The following TUBGCP5 variants were observed in gnomAD, a reference collection of about 807,000 sequenced individuals.
TUBGCP5 encodes the protein tubulin gamma complex component 5, also known as gamma-tubulin complex component 5.
Under a neutral mutation model 134.7 loss-of-function variants are expected in TUBGCP5, and 98 were observed. The ratio of observed to expected loss-of-function variants is 0.73; its 90% confidence interval spans 0.62 to 0.86. The LOEUF (loss-of-function observed/expected upper bound fraction) is 0.86, where lower values mean the gene tolerates loss of function less well. Ranked by LOEUF, TUBGCP5 falls within the 40% of genes least tolerant of loss-of-function variation. The pLI is 0.00. For missense variants in TUBGCP5, 1,150 were observed against 1,244.8 expected (o/e 0.92, Z 1.15); for synonymous variants, 456 against 431.4 (o/e 1.06, Z -0.71).
intron 4 of TUBGCP5, 110 bp downstream of exon 4, chr15:23,032,618 C>CT: frequency 1.4e-6 from 1 of 691,042 alleles, no homozygotes; most frequent in East Asian, 3.0e-5. Context: ...AATAGAAATA[C>CT]TTTAGTTTCA....
At chr15:23,019,569 G>A (rs1222125863) in intron 11 of TUBGCP5, among the ~76,000 whole-genome samples, 1 of 151,888 alleles carries the variant, frequency 6.6e-6, no homozygotes, top group Non-Finnish European at 1.5e-5. Context: ...AGACCGAGGT[G>A]GGCGGATCAC....
downstream of TUBGCP5, among the ~76,000 whole-genome samples, chr15:22,998,859 C>T (rs1016891265): frequency 8.5e-5 from 13 of 152,098 alleles, no homozygotes; most frequent in Admixed American, 2.6e-4. Flanking sequence ...TCAGATGATC[C>T]GCCCACCTCG....
intron 6 of TUBGCP5, among the ~76,000 whole-genome samples, chr15:23,029,714 T>A (rs1418453192): frequency 6.6e-6 from 1 of 152,054 alleles, no homozygotes; most frequent in Non-Finnish European, 1.5e-5. Flanking sequence ...TGAAACCCTG[T>A]CTCTACTAAA....
At chr15:22,987,336 C>CAA (rs34835716) in intron 23 of TUBGCP5, among the ~76,000 whole-genome samples, 2 of 125,466 alleles carry the variant, frequency 1.6e-5, no homozygotes, top group Admixed American at 8.6e-5. Flanking sequence ...AACTCCATCT[C>CAA]AAAAAAAAAA....
At chr15:22,987,160 C>T (rs1415563534) in intron 23 of TUBGCP5, among the ~76,000 whole-genome samples, 1 of 151,802 alleles carries the variant, frequency 6.6e-6, no homozygotes, top group African/African-American at 2.4e-5. Flanking sequence ...TGGAGAAACC[C>T]CATCTCTACT....
chr15:23,037,227 A>G, intron 1 of TUBGCP5, 75 bp from the exon 2 acceptor site: 3 of 1,346,348 alleles, frequency 2.2e-6, no homozygotes, highest in Non-Finnish European at 3.2e-6. Flanking sequence ...GGCCCTCCAT[A>G]TCCCCCATAT....
intron 20 of TUBGCP5, among the ~76,000 whole-genome samples, 185 bp from the exon 21 acceptor site, chr15:23,003,338 A>G (rs1309600252): frequency 6.6e-6 from 1 of 152,232 alleles, no homozygotes; most frequent in African/African-American, 2.4e-5. Flanking sequence ...CATTCACTGA[A>G]TGTAAGATAC....
chr15:23,014,052 C>G (rs1209807963), intron 13 of TUBGCP5, among the ~76,000 whole-genome samples: 2 of 152,218 alleles, frequency 1.3e-5, no homozygotes, highest in Non-Finnish European at 2.9e-5. Context: ...AACAGTCTGG[C>G]AGCCCCAACA....
chr15:23,018,887 T>A (rs891029305), intron 12 of TUBGCP5, among the ~76,000 whole-genome samples: 1 of 152,166 alleles, frequency 6.6e-6, no homozygotes, highest in Non-Finnish European at 1.5e-5. Context: ...TAATTTACAA[T>A]GGAAATAGCT....
At chr15:23,021,013 T>G (rs527830802) in intron 11 of TUBGCP5, among the ~76,000 whole-genome samples, 55 of 152,286 alleles carry the variant, frequency 3.6e-4, no homozygotes, top group African/African-American at 1.1e-3. Context: ...CTCAGCCTCC[T>G]GAGTAGCTGG....
chr15:23,022,212 T>C lies in TUBGCP5; in HGVS notation c.1169-51A>G, dbSNP rs114986959. On this transcript the variant is annotated intron_variant, in intron 10 of 22. Transcript: ENST00000615383. ...AACAGCAAGGAAAAATACATGCATC[T>C]AAAATGTGACATAAATGCTGGCAAA... 459 of 1,573,664 alleles carry C rather than the reference T, an allele frequency of 2.9e-4. 2 individuals carry two copies. In the African/African-American group the frequency reaches 5.6e-3, roughly 19 times the overall value.
intron 23 of TUBGCP5, among the ~76,000 whole-genome samples, chr15:22,994,074 C>A (rs1402817664): frequency 6.6e-6 from 1 of 151,958 alleles, no homozygotes; most frequent in Non-Finnish European, 1.5e-5. Context: ...CAGAATCTCT[C>A]CAACAATAGG....
In TUBGCP5 at chr15:23,024,680, T is replaced by C. The variant is rs775535792; in HGVS notation, c.921+57A>G. On this transcript the variant is annotated intron_variant, in intron 9 of 22. Coordinates refer to ENST00000615383, the MANE Select transcript of TUBGCP5 (RefSeq NM_052903.6). Reference sequence around the variant, plus strand: ...AATATTGTAAAATGTTCTAAAATTATATTACTAGTTTACATAAATCCTATT... The same window carrying C: ...AATATTGTAAAATGTTCTAAAATTACATTACTAGTTTACATAAATCCTATT... 3.3e-4 allele frequency: 309 copies of C among 923,498 alleles called. 1 individual carries two copies. The highest frequency in any genetic ancestry group is 6.7e-4 in the Middle Eastern group (2 of 2,966). 57.2% of individuals were successfully genotyped at this position (923,498 alleles called of 1,614,324 possible).
In TUBGCP5 at chr15:23,026,103, G is replaced by T. The variant is rs138306876; in HGVS notation, c.827+13C>A. ...GTCTCATAAAGACTATTAATTAAAT[G>T]AACATTTCTTACCATAGGGTTTCCC... On this transcript the variant is annotated intron_variant, in intron 8 of 22. Transcript: ENST00000615383. The T allele has an allele frequency of 6.5e-3, 10,272 of 1,590,556 alleles. 70 individuals carry two copies. The highest frequency in any genetic ancestry group is 7.8e-3 in the Non-Finnish European group (9,145 of 1,170,948).
Position 23,018,175 on chromosome 15 carries a change from T to C in TUBGCP5, c.1488-134A>G. 3 of 814,332 alleles carry C rather than the reference T, an allele frequency of 3.7e-6. No individual in the cohort carries two copies. In the South Asian group the frequency reaches 6.0e-5, roughly 16 times the overall value. The allele number at this position is 814,332 out of a possible 1,614,324, so 50.4% of individuals were successfully genotyped here. A position where few individuals can be genotyped will look rare whatever the true frequency, so the allele number is the denominator to read the frequency against. ...AAACTGAAGCAAACTTTAGGCAAAA[T>C]GGGACAGTTTTAATCTCATCTCAGT... On this transcript the variant is annotated intron_variant, in intron 12 of 22. Coordinates refer to ENST00000615383, the MANE Select transcript of TUBGCP5 (RefSeq NM_052903.6).
At chr15:23,038,520 T>C (rs1164082736) in intron 1 of TUBGCP5, among the ~76,000 whole-genome samples, 6 of 152,232 alleles carry the variant, frequency 3.9e-5, no homozygotes, top group Admixed American at 3.3e-4. Flanking sequence ...AAACTTGGCA[T>C]GGTTTAAAAG....
At chr15:23,009,058 T>C (rs1264025272) in intron 15 of TUBGCP5, among the ~76,000 whole-genome samples, 177 bp from the exon 16 acceptor site, 2 of 152,002 alleles carry the variant, frequency 1.3e-5, no homozygotes, top group African/African-American at 4.8e-5. Context: ...CAGCATAGGT[T>C]TTCCTTTCAT....
At chr15:23,018,126 TA>T (rs1323249501) in intron 12 of TUBGCP5, 85 bp from the exon 13 acceptor site, 1 of 1,333,598 alleles carries the variant, frequency 7.5e-7, no homozygotes, top group Non-Finnish European at 1.0e-6. Flanking sequence ...CCAGACATTA[TA>T]AAACATAGTA....
intron 16 of TUBGCP5, among the ~76,000 whole-genome samples, chr15:23,006,715 G>A (rs974278038): frequency 3.3e-5 from 5 of 152,254 alleles, no homozygotes; most frequent in South Asian, 2.1e-4. Context: ...AGAGCAGCTC[G>A]ACGGAGCCGA....
Sources: allele counts gnomAD v4.1 joint callset (sites outside exome capture counted in the v4.1 genomes callset), GRCh38; gene constraint gnomAD v4.1.1; transcripts MANE v1.5; gene names NCBI Gene and HGNC (gene_info 2026-07-23, HGNC 2026-07-21).